Variants in ERBB4 observed in about 807,000 individuals in gnomAD.
ERBB4 encodes receptor tyrosine-protein kinase erbB-4.
Under a neutral mutation model 158.0 loss-of-function variants are expected in ERBB4, and 42 were observed. That is an observed-to-expected ratio of 0.27 (90% CI 0.21 to 0.34). The LOEUF is 0.34. ERBB4 is among the 10% of genes least tolerant of loss of function. ERBB4 has a pLI of 1.00. For missense variants in ERBB4, 1,333 were observed against 1,624.1 expected (o/e 0.82, Z 3.08); for synonymous variants, 583 against 558.7 (o/e 1.04, Z -0.61).
At chr2:211,961,823 TAAG>T (rs1484427405) in intron 2 of ERBB4, among the ~76,000 whole-genome samples, 1 of 151,998 alleles carries the variant, frequency 6.6e-6, no homozygotes, top group African/African-American at 2.4e-5. Flanking sequence ...AGGTAAATTA[TAAG>T]AAGAGGGAAA....
intron 1 of ERBB4, among the ~76,000 whole-genome samples, chr2:212,299,276 C>T (rs903512451): frequency 6.6e-6 from 1 of 151,666 alleles, no homozygotes; most frequent in Non-Finnish European, 1.5e-5. Flanking sequence ...TTTTGCCATA[C>T]ATTTTGGAAT....
intron 1 of ERBB4, among the ~76,000 whole-genome samples, chr2:212,223,200 G>C (rs2083358169): frequency 6.6e-6 from 1 of 151,022 alleles, no homozygotes; most frequent in African/African-American, 2.4e-5. Flanking sequence ...AAACTCATCT[G>C]ATCCCATTTA....
At chr2:211,536,669 G>A (rs2066662914) in intron 20 of ERBB4, among the ~76,000 whole-genome samples, 1 of 152,004 alleles carries the variant, frequency 6.6e-6, no homozygotes. Context: ...AAGCAGGGGA[G>A]TGGGAAACCA....
At chr2:212,379,593 G>T (rs2090436337) in intron 1 of ERBB4, among the ~76,000 whole-genome samples, 1 of 151,542 alleles carries the variant, frequency 6.6e-6, no homozygotes, top group African/African-American at 2.4e-5. Context: ...TTGCCAAGAA[G>T]TCCATTTCCA....
rs1014315217 is a variant in ERBB4 at position 211,912,484 on chromosome 2, T to C, written c.421+34946A>G. On this transcript the variant is annotated intron_variant, in intron 3 of 27. Transcript: ENST00000342788. Reference sequence around the variant, plus strand: ...AGCTATAACATCACTTTGTACCTCATACTTTTATACAATTATAAATTGTCA... The same window carrying C: ...AGCTATAACATCACTTTGTACCTCACACTTTTATACAATTATAAATTGTCA... 2.0e-5 allele frequency among the ~76,000 whole-genome samples: 3 copies of C among 152,176 alleles called. No homozygotes were observed. The South Asian group carries it at 6.2e-4, about 31-fold the overall frequency.
chr2:211,424,422 A>G (rs1304786186), intron 22 of ERBB4, 121 bp from the exon 23 acceptor site: 2 of 677,026 alleles, frequency 3.0e-6, no homozygotes, highest in East Asian at 5.5e-5. Context: ...TCAATTAAAA[A>G]AAAAAAAGCT....
intron 1 of ERBB4, among the ~76,000 whole-genome samples, chr2:212,520,091 A>G (rs747267168): frequency 3.3e-5 from 5 of 151,980 alleles, no homozygotes; most frequent in Non-Finnish European, 7.4e-5. Context: ...GGATACCTTA[A>G]TTGGAAAAAT....
At chr2:211,701,121 G>T (rs1360352151) in intron 12 of ERBB4, among the ~76,000 whole-genome samples, 1 of 152,106 alleles carries the variant, frequency 6.6e-6, no homozygotes, top group Non-Finnish European at 1.5e-5. Flanking sequence ...GAATCAATAA[G>T]TAGCAAAATA....
rs180954403 is a variant in ERBB4 at position 212,462,691 on chromosome 2, T to G, written c.82+75758A>C. Among the ~76,000 whole-genome samples, 7 of 152,258 alleles carry G rather than the reference T, an allele frequency of 4.6e-5. No homozygotes were observed. The East Asian group carries it at 1.4e-3, about 29-fold the overall frequency. On this transcript the variant is annotated intron_variant, in intron 1 of 27. Transcript: ENST00000342788. ...AGTACAGGCATTATGGAACACAGTA[T>G]GGATGCTCCTCAAAAAAGTAAAGAT... is the stretch of plus-strand genomic sequence containing the variant.
At chr2:212,364,479 A>G (rs144835695) in intron 1 of ERBB4, among the ~76,000 whole-genome samples, 143 of 151,908 alleles carry the variant, frequency 9.4e-4, no homozygotes, top group Non-Finnish European at 1.7e-3. Flanking sequence ...AAGAAAGGGA[A>G]TAAAAAGACT....
Position 211,630,366 on chromosome 2 carries a change from A to T in ERBB4, c.2079+96T>A, listed in dbSNP as rs2070059118. On this transcript the variant is annotated intron_variant, in intron 17 of 27. Coordinates refer to ENST00000342788, the MANE Select transcript of ERBB4 (RefSeq NM_005235.3). ...AAAAAACTTAATTAGGACACTGAACAGAATTTTACTTGGATTAAATAATTG... is the reference window on the plus strand; with the variant it reads ...AAAAAACTTAATTAGGACACTGAACTGAATTTTACTTGGATTAAATAATTG... 4.2e-6 allele frequency: 6 copies of T among 1,427,232 alleles called. No homozygotes were observed. The East Asian group carries it at 1.1e-4, about 27-fold the overall frequency. The allele number at this position is 1,427,232 out of a possible 1,614,324, so 88.4% of individuals were successfully genotyped here.
At chr2:211,487,570 A>C (rs1490512656) in intron 20 of ERBB4, among the ~76,000 whole-genome samples, 8 of 152,052 alleles carry the variant, frequency 5.3e-5, no homozygotes, top group African/African-American at 1.9e-4. Flanking sequence ...TTTATTGTAC[A>C]AGCCAGAATT....
At position 211,673,192 on chromosome 2, in the gene ERBB4, T is replaced by C; in HGVS notation, c.1688A>G (p.Glu563Gly). The change falls in exon 14 of 28, where the codon GAA becomes GGA. Residue 563 changes from glutamate to glycine, a missense_variant. Glu to Gly is a moderately conservative substitution (Grantham distance 98, BLOSUM62 -2). Around this residue, in one of 5 missense-constraint regions of ERBB4, gnomAD observed 245 missense variants for 247.5 expected, o/e 0.99. Transcript: ENST00000342788. ...TCCATGGCATGTGAGGAGGCCATCT[T>C]CCATCTTCTCACACTGGGGGTCACA... ...VECDPQCEKM[E>G]DGLLTCHGPG... is the part of the protein sequence containing the mutation. 5.6e-6 allele frequency: 9 copies of C among 1,613,702 alleles called. No homozygotes were observed. Among genetic ancestry groups the C allele is most frequent in the Non-Finnish European group, 7.6e-6 (9 of 1,179,674 alleles).
chr2:211,576,871 T>C (rs10176315), intron 19 of ERBB4, among the ~76,000 whole-genome samples: 29,931 of 152,102 alleles, frequency 0.2, 3,279 homozygotes, highest in East Asian at 0.3. Flanking sequence ...ATGGTATTTA[T>C]GTGTGGGAAG....
In ERBB4 at chr2:211,518,061, AATTCCTCAT is replaced by A. The variant is rs201000772; in HGVS notation, c.2487+43833_2487+43841del. Among the ~76,000 whole-genome samples, 1,398 of 152,172 alleles carry A rather than the reference AATTCCTCAT, an allele frequency of 9.2e-3. 24 individuals are homozygous for A. The highest frequency in any genetic ancestry group is 0.031 in the African/African-American group (1,304 of 41,536). ...AAATGTATCTACTCTTATTATCTAT[AATTCCTCAT>A]ATTCCTCATATTTATGTAATATGAC... On this transcript the variant is annotated intron_variant, in intron 20 of 27. Transcript: ENST00000342788.
At chr2:211,840,518 G>A (rs1348789016) in intron 3 of ERBB4, among the ~76,000 whole-genome samples, 1 of 152,046 alleles carries the variant, frequency 6.6e-6, no homozygotes, top group Admixed American at 6.6e-5. Context: ...ATAGATTTAT[G>A]ATCCAGTTTT....
chr2:211,703,313 C>T (rs1194024912), intron 11 of ERBB4, among the ~76,000 whole-genome samples: 3 of 152,120 alleles, frequency 2.0e-5, no homozygotes, highest in Non-Finnish European at 4.4e-5. Context: ...TAGATTGTAT[C>T]TTTCAACTAT....
chr2:212,482,904 G>C (rs1041067005), intron 1 of ERBB4, among the ~76,000 whole-genome samples: 1 of 152,224 alleles, frequency 6.6e-6, no homozygotes. Flanking sequence ...CTACAGGCGT[G>C]AACCACTGTG....
chr2:211,526,766 A>C (rs2066359494), intron 20 of ERBB4, among the ~76,000 whole-genome samples: 1 of 151,624 alleles, frequency 6.6e-6, no homozygotes, highest in Non-Finnish European at 1.5e-5. Context: ...AAGAGAATCA[A>C]GCAGAAATTC....
Sources: gnomAD v4.1 joint callset for allele counts (sites outside exome capture counted in the v4.1 genomes callset) on GRCh38, gnomAD v4.1.1 for gene constraint, gnomAD v4.1.1 regional missense constraint, MANE v1.5 for transcripts, NCBI Gene and HGNC (gene_info 2026-07-23, HGNC 2026-07-21) for gene names.